The following MAPK12 variants were observed in gnomAD, a reference collection of about 807,000 sequenced individuals.
MAPK12 encodes mitogen-activated protein kinase 12, also known as MAP kinase 12.
MAPK12 carries 49 observed loss-of-function variants against 49.1 expected under a neutral mutation model. The ratio of observed to expected loss-of-function variants is 1.00; its 90% CI spans 0.79 to 1.27. The LOEUF (loss-of-function observed/expected upper bound fraction) is 1.27, where lower values mean the gene tolerates loss of function less well. Among genes scored for constraint, MAPK12 ranks in the 50% most tolerant of loss-of-function variants. The probability of loss-of-function intolerance (pLI) is 0.00; values close to 1 mark genes in which losing one functional copy is unlikely to be tolerated. For missense variants in MAPK12, 554 were observed against 502.4 expected (o/e 1.10, Z -0.98); for synonymous variants, 251 against 209.7 (o/e 1.20, Z -1.70).
intron 6 of MAPK12, 58 bp from the exon 7 acceptor site, chr22:50,256,257 C>T (rs2065149476): frequency 1.7e-5 from 23 of 1,369,418 alleles, no homozygotes; most frequent in Non-Finnish European, 2.2e-5. Flanking sequence ...GGACAGGCCA[C>T]CCACGGTCCA....
rs570738798 is a variant in MAPK12, at chr22:50,253,183, G to A, written c.*218C>T. On this transcript the variant is annotated 3_prime_UTR_variant, in exon 12 of 12. Transcript: ENST00000215659. ...AGGGATCAGAGGCCATCCCCAGGTC[G>A]GCCAGAGGTCTTGTCCAGAAAGTTC... The A allele has an allele frequency of 2.0e-4, 120 of 588,118 alleles. No individual in the cohort carries two copies. In the South Asian group the frequency reaches 2.1e-3, roughly 10 times the overall value. 36.4% of individuals were successfully genotyped at this position (588,118 alleles called of 1,614,324 possible). A position where few individuals can be genotyped will look rare whatever the true frequency, so the allele number is the denominator to read the frequency against.
chr22:50,255,588 C>T, intron 9 of MAPK12, 27 bp downstream of exon 9: 1 of 1,612,024 alleles, frequency 6.2e-7, no homozygotes, highest in Non-Finnish European at 8.5e-7. Context: ...GCCCCCACCC[C>T]CACCCAGCTC....
rs752245784 is a variant in MAPK12, at chr22:50,255,242, C to A, written c.979G>T (p.Asp327Tyr). 6.2e-7 allele frequency: 1 copy of A among 1,613,970 alleles called. No individual in the cohort carries two copies. Among genetic ancestry groups the A allele is most frequent in the South Asian group, 1.1e-5 (1 of 91,088 alleles). Reference protein sequence around the residue: ...TEDEPQVQKYDDSFDDVDRTL... With the variant: ...TEDEPQVQKYYDSFDDVDRTL... ...CGGTCAACGTCGTCAAAGGAGTCAT[C>A]ATACTTCTGGACCTGGGGCTCATCT... Residue 327 changes from aspartate (D) to tyrosine (Y), a missense_variant, in exon 11 of 12, where the codon GAT (aspartate) becomes TAT (tyrosine). Transcript: ENST00000215659.
chr22:50,253,225 T>C lies in MAPK12; in HGVS notation c.*176A>G. ...AGAAAGTTCAGGTGCTCCTCCATGA[T>C]GGGCGCCCAAGAGCAGAGGCATGGC... On this transcript the variant is annotated 3_prime_UTR_variant, in exon 12 of 12. Transcript: ENST00000215659. The C allele has an allele frequency of 1.5e-6, 1 of 657,080 alleles. No individual in the cohort carries two copies. Among genetic ancestry groups the C allele is most frequent in the Non-Finnish European group, 2.8e-6 (1 of 358,988 alleles). The allele number at this position is 657,080 out of a possible 1,614,324, so 40.7% of individuals were successfully genotyped here. A position where few individuals can be genotyped will look rare whatever the true frequency, so the allele number is the denominator to read the frequency against.
chr22:50,255,673 A>G lies in MAPK12; in HGVS notation c.713T>C (p.Ile238Thr), dbSNP rs1216584206. Residue 238 changes from isoleucine to threonine, a missense_variant, in exon 9 of 12, where the codon ATC becomes ACC. Coordinates refer to ENST00000215659, the MANE Select transcript of MAPK12 (RefSeq NM_002969.6). ...CGGAGGCGTCCCCGTCACCTTCATG[A>G]TCTCCTTCAGCTGGTCCAGGTCTGC... ...GSDHLDQLKEIMKVTGTPPAE... is the reference protein window; with the variant it reads ...GSDHLDQLKETMKVTGTPPAE... The G allele has an allele frequency of 6.2e-7, 1 of 1,608,574 alleles. No homozygotes were observed. Among genetic ancestry groups the G allele is most frequent in the East Asian group, 2.2e-5 (1 of 44,776 alleles).
chr22:50,253,501 G>GCCCCCC (rs2147253059), intron 11 of MAPK12, 21 bp from the exon 12 acceptor site: 2 of 354,114 alleles, frequency 5.6e-6, no homozygotes, highest in Middle Eastern at 6.8e-4. Flanking sequence ...TGGGGGGGCG[G>GCCCCCC]GCACAACAGA....
At position 50,255,515 on chromosome 22, in the gene MAPK12, T is replaced by G. The variant is rs1226051304; in HGVS notation, c.788A>C (p.Lys263Thr). ...CTTCTTCTCCAATTCGGGGAGGCCC[T>G]TCATGTAGTTCTTGGCCTGTGTGGG... ...LQSDEAKNYMKGLPELEKKDF... is the reference protein window; with the variant it reads ...LQSDEAKNYMTGLPELEKKDF... Residue 263 changes from lysine (K) to threonine (T), a missense_variant, in exon 10 of 12, where the codon AAG becomes ACG. Lys to Thr is a moderately conservative substitution (Grantham distance 78). Transcript: ENST00000215659. 6.2e-7 allele frequency: 1 copy of G among 1,613,170 alleles called. No individual in the cohort carries two copies.
intron 2 of MAPK12, 70 bp downstream of exon 2, chr22:50,261,097 G>C (rs2065207699): frequency 1.4e-6 from 2 of 1,431,626 alleles, no homozygotes; most frequent in Admixed American, 2.3e-5. Context: ...GTTGCCGGGT[G>C]GGGGAACCCA....
At chr22:50,255,417 C>G in intron 10 of MAPK12, 36 bp downstream of exon 10, 1 of 1,612,846 alleles carries the variant, frequency 6.2e-7, no homozygotes, top group East Asian at 2.2e-5. Flanking sequence ...GCCCCACACT[C>G]CAGCACCCGG....
At chr22:50,259,242 A>G (rs1030143176) in intron 2 of MAPK12, among the ~76,000 whole-genome samples, 1 of 152,002 alleles carries the variant, frequency 6.6e-6, no homozygotes, top group Non-Finnish European at 1.5e-5. Context: ...GAGGGAACAG[A>G]GGGGGTGTCC....
chr22:50,254,075 A>C (rs11912018), intron 11 of MAPK12: 7,805 of 154,798 alleles, frequency 0.05, 690 homozygotes, highest in African/African-American at 0.18. Context: ...GCCATGAAGA[A>C]GACACAGCCT....
At chr22:50,258,069 G>T in intron 3 of MAPK12, 174 bp downstream of exon 3, 1 of 723,172 alleles carries the variant, frequency 1.4e-6, no homozygotes, top group Admixed American at 2.0e-5. Context: ...TGGGTCCCAG[G>T]ACCATGTGGG....
Position 50,256,093 on chromosome 22 carries a change from G to A in MAPK12, c.611C>T (p.Thr204Met), listed in dbSNP as rs371441235. Residue 204 changes from threonine (T) to methionine (M), a missense_variant, in exon 7 of 12, where the codon ACG (threonine) becomes ATG (methionine). By Grantham distance (81) the Thr-to-Met change is moderately conservative. Coordinates refer to ENST00000215659, the MANE Select transcript of MAPK12 (RefSeq NM_002969.6). ...PEVILNWMRY[T>M]QTVDIWSVGC... Reference sequence around the variant, plus strand: ...TCTGGGCAGCTTCTCACCCGTCTGCGTGTAGCGCATCCAATTCAAGATGAC... The same window carrying A: ...TCTGGGCAGCTTCTCACCCGTCTGCATGTAGCGCATCCAATTCAAGATGAC... The A allele has an allele frequency of 5.7e-5, 92 of 1,612,036 alleles. No individual in the cohort carries two copies. The highest frequency in any genetic ancestry group is 7.2e-5 in the Non-Finnish European group (85 of 1,179,576).
intron 2 of MAPK12, among the ~76,000 whole-genome samples, chr22:50,259,180 C>CGCCGGAGCCACGTGG (rs2147261034): frequency 6.6e-6 from 1 of 152,248 alleles, no homozygotes; most frequent in South Asian, 2.1e-4. Flanking sequence ...AGGACAGCTC[C>CGCCGGAGCCACGTGG]GCCGGAGCCA....
At chr22:50,255,584 A>ACCCCCCC in intron 9 of MAPK12, 31 bp downstream of exon 9, 1 of 644,892 alleles carries the variant, frequency 1.6e-6, no homozygotes, top group Non-Finnish European at 2.2e-6. Flanking sequence ...GTCCGCCCCC[A>ACCCCCCC]CCCCCACCCA....
At chr22:50,254,487 C>T (rs2065128378) in intron 11 of MAPK12, 1 of 189,550 alleles carries the variant, frequency 5.3e-6, no homozygotes. Context: ...CCCGTCTCTA[C>T]TAAAAATACA....
chr22:50,255,578 G>GGCCCCCCCCCCCCC, intron 9 of MAPK12, 37 bp downstream of exon 9: 6 of 1,581,914 alleles, frequency 3.8e-6, no homozygotes, highest in Non-Finnish European at 5.2e-6. Context: ...GCCCAGGTCC[G>GGCCCCCCCCCCCCC]CCCCCACCCC....
At chr22:50,257,769 C>T in intron 3 of MAPK12, 1 of 693,688 alleles carries the variant, frequency 1.4e-6, no homozygotes. Flanking sequence ...CTCTCCAGGC[C>T]TTCCTCGGCC....
intron 3 of MAPK12, chr22:50,257,994 G>A (rs777141526): frequency 2.7e-6 from 2 of 746,520 alleles, no homozygotes; most frequent in Non-Finnish European, 5.0e-6. Flanking sequence ...GTGCTGGAGA[G>A]GGCCCAGGTG....
Sources: gnomAD v4.1 joint callset for allele counts (sites outside exome capture counted in the v4.1 genomes callset) on GRCh38, gnomAD v4.1.1 for gene constraint, MANE v1.5 for transcripts, NCBI Gene and HGNC (gene_info 2026-07-23, HGNC 2026-07-21) for gene names.